The following DDX5 variants were observed in gnomAD, a reference collection of about 807,000 sequenced individuals.
DDX5 encodes probable ATP-dependent RNA helicase DDX5.
In DDX5, 6 loss-of-function variants were observed where a neutral mutation model predicts 68.6. That is an observed-to-expected ratio of 0.09 (90% confidence interval 0.05 to 0.17). The LOEUF is 0.17. DDX5 is among the 10% of genes least tolerant of loss of function. The pLI is 1.00. For synonymous variants in DDX5, 350 were observed against 247.0 expected (o/e 1.42, Z -3.91); for missense variants, 499 against 756.1 (o/e 0.66, Z 3.99).
At chr17:64,500,999 CCTGT>C (rs2038285058) in intron 11 of DDX5, 3 of 570,228 alleles carry the variant, frequency 5.3e-6, no homozygotes, top group African/African-American at 1.9e-5. Context: ...AGTGACAGAC[CCTGT>C]CAAAAGGAAT....
In DDX5 at chr17:64,499,436, C is replaced by A. The variant is rs1208811468; in HGVS notation, c.*487G>T. ...CTGTATCAATTCATTCTGACTCCTG[C>A]AATATGAATAGCTCATTATAAAGAA... On this transcript the variant is annotated 3_prime_UTR_variant, in exon 13 of 13. Transcript: ENST00000225792. 6.6e-6 allele frequency among the ~76,000 whole-genome samples: 1 copy of A among 151,464 alleles called. No homozygotes were observed. The highest frequency in any genetic ancestry group is 2.4e-5 in the African/African-American group (1 of 41,196).
rs1206586831 is a variant in DDX5, at chr17:64,499,741, A to G, written c.*182T>C. The G allele has an allele frequency of 1.9e-6, 1 of 520,220 alleles. No homozygotes were observed. The highest frequency in any genetic ancestry group is 3.2e-6 in the Non-Finnish European group (1 of 316,202). The allele number at this position is 520,220 out of a possible 1,614,324, so 32.2% of individuals were successfully genotyped here. On this transcript the variant is annotated 3_prime_UTR_variant, in exon 13 of 13. Transcript: ENST00000225792. ...GCATTTTCTAGTACAAAAAAAACCT[A>G]AAAATTGTTTCAGGAATGTAGAGAA... is the stretch of plus-strand genomic sequence containing the variant.
intron 12 of DDX5, 35 bp from the exon 13 acceptor site, chr17:64,500,361 G>C: frequency 1.3e-6 from 2 of 1,578,220 alleles, no homozygotes; most frequent in Non-Finnish European, 1.7e-6. Flanking sequence ...GATCAATTAT[G>C]TCTATGACAC....
At position 64,498,304 on chromosome 17, in the gene DDX5, A is replaced by C. The variant is rs2038206264; in HGVS notation, c.*1619T>G. Among the ~76,000 whole-genome samples the C allele has an allele frequency of 6.6e-6, 1 of 152,238 alleles. No homozygotes were observed. ...TTAAGACGACCACAGGCTGGACACA[A>C]CACACATGCTAAAAAGTGGACTGTC... On this transcript the variant is annotated 3_prime_UTR_variant, in exon 13 of 13. Coordinates refer to ENST00000225792, the MANE Select transcript of DDX5 (RefSeq NM_004396.5).
chr17:64,501,745 T>G, intron 11 of DDX5: 3 of 538,394 alleles, frequency 5.6e-6, no homozygotes, highest in East Asian at 6.2e-5. Flanking sequence ...GGGGCAGAGG[T>G]GATATGTTCT....
At chr17:64,506,020 A>AGGCG in intron 1 of DDX5, 56 bp downstream of exon 1, 1 of 868,082 alleles carries the variant, frequency 1.2e-6, no homozygotes, top group Non-Finnish European at 1.7e-6. Context: ...CGCCACCCTG[A>AGGCG]CCCGCCCTCC....
intron 1 of DDX5, chr17:64,505,374 G>A (rs1429412069): frequency 8.8e-6 from 4 of 453,878 alleles, no homozygotes; most frequent in Admixed American, 3.7e-5. Context: ...CCGCGGTAGA[G>A]CTCCGGATCA....
Position 64,502,554 on chromosome 17 carries a change from T to C in DDX5, c.984-5A>G. The C allele has an allele frequency of 1.9e-6, 3 of 1,594,218 alleles. No homozygotes were observed. Among genetic ancestry groups the C allele is most frequent in the Middle Eastern group, 1.7e-4 (1 of 6,012 alleles). Reference sequence around the variant, plus strand: ...TCTTCCATTAGACGAATAAGTCTAATAATAGGAGAGAGAAAGGAAAAATCC... The same window carrying C: ...TCTTCCATTAGACGAATAAGTCTAACAATAGGAGAGAGAAAGGAAAAATCC... On this transcript the variant is annotated splice_polypyrimidine_tract_variant and splice_region_variant and intron_variant, in intron 8 of 12. Transcript: ENST00000225792.
Position 64,500,777 on chromosome 17 carries a change from TAA to T in DDX5, c.1217-6_1217-5del. 2.5e-6 allele frequency: 4 copies of T among 1,607,662 alleles called. No homozygotes were observed. The highest frequency in any genetic ancestry group is 3.4e-6 in the Non-Finnish European group (4 of 1,174,140). ...ACAAATTTCACATCTTCCACATCTG[TAA>T]GGTGTTGCAGTGTGGCAAAATAGCA... is the stretch of plus-strand genomic sequence containing the variant. On this transcript the variant is annotated splice_polypyrimidine_tract_variant and splice_region_variant and intron_variant, in intron 11 of 12. Transcript: ENST00000225792.
At chr17:64,504,932 C>G in intron 1 of DDX5, 90 bp from the exon 2 acceptor site, 1 of 1,296,820 alleles carries the variant, frequency 7.7e-7, no homozygotes. Flanking sequence ...AAGCTAAAAA[C>G]CACTGAAAAC....
rs1211259589 is a variant in DDX5, at chr17:64,504,613, G to C, written c.210+64C>G. 4.6e-6 allele frequency: 7 copies of C among 1,519,010 alleles called. No homozygotes were observed. In the African/African-American group the frequency reaches 8.4e-5, roughly 18 times the overall value. The allele number at this position is 1,519,010 out of a possible 1,614,324, so 94.1% of individuals were successfully genotyped here. A position where few individuals can be genotyped will look rare whatever the true frequency, so the allele number is the denominator to read the frequency against. On this transcript the variant is annotated intron_variant, in intron 2 of 12. Transcript: ENST00000225792. ...TGAGTTATTTGCAAAACACCTGTCAGAATTTCATTTACTAGAATCCACGAT... is the reference window on the plus strand; with the variant it reads ...TGAGTTATTTGCAAAACACCTGTCACAATTTCATTTACTAGAATCCACGAT...
rs781935722 is a variant in DDX5, at chr17:64,498,663, A to G, written c.*1260T>C. Among the ~76,000 whole-genome samples the G allele has an allele frequency of 2.6e-4, 39 of 152,272 alleles. No individual in the cohort carries two copies. The highest frequency in any genetic ancestry group is 8.2e-4 in the African/African-American group (34 of 41,526). ...ATTAAAGCCTCAGTTTAATAATCAG[A>G]ATTTAAATGAAGTCTCCTGAAGACC... is the stretch of plus-strand genomic sequence containing the variant. On this transcript the variant is annotated 3_prime_UTR_variant, in exon 13 of 13. Transcript: ENST00000225792.
intron 11 of DDX5, 47 bp downstream of exon 11, chr17:64,501,963 T>G: frequency 3.8e-6 from 6 of 1,576,704 alleles, no homozygotes; most frequent in Non-Finnish European, 5.2e-6. Context: ...AAAAGTTAAA[T>G]GGAGATCTTC....
At chr17:64,502,418 A>G in intron 9 of DDX5, 21 bp downstream of exon 9, 1 of 1,569,466 alleles carries the variant, frequency 6.4e-7, no homozygotes, top group South Asian at 1.1e-5. Context: ...AATCTGCTTC[A>G]ATGGAGGAGC....
intron 1 of DDX5, 198 bp downstream of exon 1, chr17:64,505,878 C>T (rs953007092): frequency 2.0e-6 from 3 of 1,535,892 alleles, no homozygotes; most frequent in Non-Finnish European, 2.6e-6. Context: ...AAAAAGCAAG[C>T]TTGAAGACAC....
intron 12 of DDX5, 74 bp from the exon 13 acceptor site, chr17:64,500,400 CTATTCATGG>C: frequency 4.5e-6 from 7 of 1,547,102 alleles, no homozygotes; most frequent in Non-Finnish European, 6.1e-6. Flanking sequence ...AGAAACAGAT[CTATTCATGG>C]TAGGCGTGAA....
At chr17:64,502,725 G>A (rs539782459) in intron 8 of DDX5, 176 bp from the exon 9 acceptor site, 5 of 713,010 alleles carry the variant, frequency 7.0e-6, no homozygotes, top group African/African-American at 1.8e-5. Flanking sequence ...TCAACCAGGG[G>A]ACACATGAAT....
chr17:64,503,827 G>T lies in DDX5; in HGVS notation c.483C>A (p.Phe161Leu). 6.2e-7 allele frequency: 1 copy of T among 1,614,170 alleles called. No individual in the cohort carries two copies. Among genetic ancestry groups the T allele is most frequent in the Non-Finnish European group, 8.5e-7 (1 of 1,180,030 alleles). The change falls in exon 5 of 13, where the codon TTC becomes TTA. Residue 161 changes from phenylalanine to leucine, a missense_variant. Phe to Leu is a conservative substitution (Grantham distance 22, BLOSUM62 0). This residue lies in a region of DDX5 where 141 missense variants were observed against 279.8 expected (regional missense o/e 0.50). Coordinates refer to ENST00000225792, the MANE Select transcript of DDX5 (RefSeq NM_004396.5). ...PAIVHINHQP[F>L]LERGDGPICL... ...CAATAGGCCCATCGCCTCTCTCTAG[G>T]AATGGCTGATGATTGATGTGGACAA...
chr17:64,499,734 A>G lies in DDX5; in HGVS notation c.*189T>C, dbSNP rs1183122551. The G allele has an allele frequency of 4.0e-6, 2 of 506,008 alleles. No homozygotes were observed. The highest frequency in any genetic ancestry group is 3.1e-5 in the East Asian group (1 of 31,982). The allele number at this position is 506,008 out of a possible 1,614,324, so 31.3% of individuals were successfully genotyped here. A position where few individuals can be genotyped will look rare whatever the true frequency, so the allele number is the denominator to read the frequency against. On this transcript the variant is annotated 3_prime_UTR_variant, in exon 13 of 13. Transcript: ENST00000225792. ...ACTGCCTGCATTTTCTAGTACAAAA[A>G]AAACCTAAAAATTGTTTCAGGAATG...
Sources: gnomAD v4.1 joint callset for allele counts (sites outside exome capture counted in the v4.1 genomes callset) on GRCh38, gnomAD v4.1.1 for gene constraint, gnomAD v4.1.1 regional missense constraint, MANE v1.5 for transcripts, NCBI Gene and HGNC (gene_info 2026-07-23, HGNC 2026-07-21) for gene names.